Variants in COBL observed in about 807,000 individuals in gnomAD.
The protein encoded by COBL is cordon-bleu WH2 repeat protein.
In COBL, 51 loss-of-function variants were observed where a neutral mutation model predicts 98.8. The ratio of observed to expected loss-of-function variants is 0.52; its 90% confidence interval spans 0.41 to 0.65. COBL has a LOEUF of 0.65. COBL is among the 30% of genes least tolerant of loss of function. The pLI is 0.00. For missense variants in COBL, 1,617 were observed against 1,617.5 expected (o/e 1.00, Z 0.01); for synonymous variants, 634 against 651.7 (o/e 0.97, Z 0.41).
In COBL at chr7:51,259,799, G is replaced by T. The variant is rs1378095799; in HGVS notation, c.42-39855C>A. 1.1e-5 allele frequency: 8 copies of T among 751,814 alleles called. No homozygotes were observed. The Admixed American group carries it at 1.4e-4, about 13-fold the overall frequency. 46.6% of individuals were successfully genotyped at this position (751,814 alleles called of 1,614,324 possible). ...GGGCAGCATTTTTAGGTTCTGGGGGGTGACTTTTACAAAGATACCACTAAA... is the reference window on the plus strand; with the variant it reads ...GGGCAGCATTTTTAGGTTCTGGGGGTTGACTTTTACAAAGATACCACTAAA... On this transcript the variant is annotated intron_variant, in intron 1 of 12. Coordinates refer to ENST00000265136, the MANE Select transcript of COBL (RefSeq NM_015198.5).
chr7:51,095,352 TG>T (rs891319208), intron 6 of COBL, among the ~76,000 whole-genome samples: 15 of 152,132 alleles, frequency 9.9e-5, no homozygotes, highest in Admixed American at 2.6e-4. Context: ...GTGAGAACTA[TG>T]GGAGCTAAAA....
intron 11 of COBL, 112 bp from the exon 12 acceptor site, chr7:51,025,484 T>A: frequency 8.8e-7 from 1 of 1,132,974 alleles, no homozygotes; most frequent in African/African-American, 1.5e-5. Flanking sequence ...TGGGGGTGAC[T>A]AGGTCATGAG....
At chr7:51,040,224 CA>C (rs1196596999) in intron 8 of COBL, among the ~76,000 whole-genome samples, 1 of 150,426 alleles carries the variant, frequency 6.6e-6, no homozygotes. Context: ...AAATGGTGCC[CA>C]AAAAACTAGA....
At chr7:51,240,788 C>T (rs1048229128) in intron 1 of COBL, among the ~76,000 whole-genome samples, 1 of 152,142 alleles carries the variant, frequency 6.6e-6, no homozygotes, top group African/African-American at 2.4e-5. Context: ...GGTGATCTAC[C>T]CACCTCGGCT....
chr7:51,088,344 C>CT (rs1164103893), intron 6 of COBL, among the ~76,000 whole-genome samples: 1 of 105,358 alleles, frequency 9.5e-6, no homozygotes, highest in Non-Finnish European at 2.0e-5. Flanking sequence ...TCTGATTTCC[C>CT]CCCCTCTTGG....
At chr7:51,298,710 T>C (rs528855934) in intron 1 of COBL, among the ~76,000 whole-genome samples, 1 of 152,302 alleles carries the variant, frequency 6.6e-6, no homozygotes, top group Non-Finnish European at 1.5e-5. Flanking sequence ...TGCAAATGTG[T>C]AAATTTTCAC....
At chr7:51,188,973 CTTTA>C (rs959478059) in intron 4 of COBL, among the ~76,000 whole-genome samples, 3 of 152,148 alleles carry the variant, frequency 2.0e-5, no homozygotes, top group Admixed American at 6.5e-5. Context: ...ACAGTTTTCC[CTTTA>C]TTTTTCTTTT....
At chr7:51,209,044 A>AT (rs1371899648) in intron 2 of COBL, among the ~76,000 whole-genome samples, 2 of 88,946 alleles carry the variant, frequency 2.2e-5, no homozygotes, top group Admixed American at 1.5e-4. Flanking sequence ...AGAATGATCA[A>AT]TTAAAAAAAA....
In COBL at chr7:51,029,086, C is replaced by G; in HGVS notation, c.2010G>C (p.Pro670=). 1 of 1,614,176 alleles carries G rather than the reference C, an allele frequency of 6.2e-7. No individual in the cohort carries two copies. The highest frequency in any genetic ancestry group is 8.5e-7 in the Non-Finnish European group (1 of 1,180,034). ...TATCGTTGCTGTCCTTTTCATTCAC[C>G]GGTTGGGAATTCACTCTCTCTGTGG... The part of the protein sequence containing the change: ...TQATERVNSQ[P]VNEKDSNDKN... Residue 670 remains proline, a synonymous_variant, in exon 10 of 13, where the codon CCG becomes CCC. Coordinates refer to ENST00000265136, the MANE Select transcript of COBL (RefSeq NM_015198.5).
chr7:51,235,649 C>T (rs952169175), intron 1 of COBL, among the ~76,000 whole-genome samples: 3 of 152,326 alleles, frequency 2.0e-5, no homozygotes, highest in South Asian at 2.1e-4. Flanking sequence ...CCACCACCCA[C>T]GGCTTCCCAT....
intron 7 of COBL, among the ~76,000 whole-genome samples, chr7:51,063,621 G>A (rs1165970125): frequency 1.3e-5 from 2 of 152,196 alleles, no homozygotes; most frequent in Non-Finnish European, 2.9e-5. Flanking sequence ...GTGGCCCCAC[G>A]AAGACCCTGA....
At chr7:51,111,286 C>T (rs745405226) in intron 6 of COBL, among the ~76,000 whole-genome samples, 1 of 152,196 alleles carries the variant, frequency 6.6e-6, no homozygotes, top group Non-Finnish European at 1.5e-5. Context: ...TACATTCCCA[C>T]CAAGAGTGCA....
chr7:51,148,752 C>G (rs1364345997), intron 5 of COBL, among the ~76,000 whole-genome samples: 6 of 152,156 alleles, frequency 3.9e-5, no homozygotes, highest in Admixed American at 3.3e-4. Flanking sequence ...CCTTCAGAGC[C>G]AGGCCAAGGT....
intron 1 of COBL, among the ~76,000 whole-genome samples, chr7:51,311,779 G>T (rs533833639): frequency 2.4e-4 from 36 of 152,094 alleles, no homozygotes; most frequent in African/African-American, 8.4e-4. Flanking sequence ...GTGTAAAAAG[G>T]CATATTATCA....
intron 5 of COBL, among the ~76,000 whole-genome samples, chr7:51,139,410 T>C (rs1724069652): frequency 6.6e-6 from 1 of 152,198 alleles, no homozygotes; most frequent in South Asian, 2.1e-4. Context: ...TGATATTGAT[T>C]ATCTTCAGAC....
intron 5 of COBL, among the ~76,000 whole-genome samples, chr7:51,173,225 A>C (rs1788055329): frequency 6.6e-6 from 1 of 152,008 alleles, no homozygotes; most frequent in South Asian, 2.1e-4. Context: ...TCTGTTGCCC[A>C]GGTTGGAGTG....
chr7:51,202,196 T>C (rs1312726985), intron 2 of COBL, among the ~76,000 whole-genome samples: 1 of 152,062 alleles, frequency 6.6e-6, no homozygotes, highest in Non-Finnish European at 1.5e-5. Flanking sequence ...AGGTAAAAGT[T>C]CCTGACTTAA....
chr7:51,162,953 G>T (rs1038299937), intron 5 of COBL, among the ~76,000 whole-genome samples: 35 of 152,222 alleles, frequency 2.3e-4, no homozygotes, highest in African/African-American at 8.4e-4. Context: ...AATGTTTCCT[G>T]TAAAGCAAGA....
rs1787730235 is a variant in COBL, at chr7:51,027,889, C to T, written c.3207G>A (p.Lys1069=). 1 of 1,614,202 alleles carries T rather than the reference C, an allele frequency of 6.2e-7. No homozygotes were observed. Among genetic ancestry groups the T allele is most frequent in the Non-Finnish European group, 8.5e-7 (1 of 1,180,046 alleles). The change falls in exon 10 of 13, where the codon AAG becomes AAA. Residue 1069 remains lysine (K), a synonymous_variant. Transcript: ENST00000265136. ...TTCCATCTGTAGAGAACACACTGGG[C>T]TTTTCCTCTCTTTCTAGGAGAATGT... ...ESHILLEREE[K]PSVFSTDGNE... is the part of the protein sequence containing the mutation.
Sources: gnomAD v4.1 joint callset for allele counts (sites outside exome capture counted in the v4.1 genomes callset) on GRCh38, gnomAD v4.1.1 for gene constraint, MANE v1.5 for transcripts, NCBI Gene and HGNC (gene_info 2026-07-23, HGNC 2026-07-21) for gene names.